Variants in TAFA2 observed in about 807,000 individuals in gnomAD.
TAFA2 encodes the protein chemokine-like protein TAFA-2.
A neutral mutation model predicts 18.8 loss-of-function variants in TAFA2; 7 were observed. The observed-to-expected ratio is 0.37, with a 90% CI of 0.21 to 0.70. The LOEUF is 0.70. Among genes scored for constraint, TAFA2 ranks in the 30% least tolerant of loss-of-function variants. The pLI is 0.53. For missense variants in TAFA2, 122 were observed against 158.1 expected, an observed-to-expected ratio of 0.77 and a Z score of 1.23; for synonymous variants, 60 against 54.2, an observed-to-expected ratio of 1.11 and a Z score of -0.47.
chr12:62,031,590 T>C (rs193149280), intron 1 of TAFA2, among the ~76,000 whole-genome samples: 13 of 152,224 alleles, frequency 8.5e-5, no homozygotes, highest in Admixed American at 8.5e-4. Context: ...GAGTTGTCTG[T>C]TTTAGGGTGT....
chr12:61,841,687 T>C (rs1403412540), intron 2 of TAFA2, among the ~76,000 whole-genome samples: 2 of 152,064 alleles, frequency 1.3e-5, no homozygotes, highest in Non-Finnish European at 2.9e-5. Flanking sequence ...AGAATGTCAT[T>C]GGTATTTTGA....
intron 4 of TAFA2, among the ~76,000 whole-genome samples, chr12:61,724,787 G>GTATATACACCAGA (rs1555196539): frequency 1.1e-5 from 1 of 87,398 alleles, no homozygotes; most frequent in African/African-American, 4.7e-5. Context: ...GTGTGTGTGT[G>GTATATACACCAGA]TGTGTGTGTG....
At chr12:61,716,514 A>G (rs1229964669) in intron 4 of TAFA2, among the ~76,000 whole-genome samples, 1 of 152,154 alleles carries the variant, frequency 6.6e-6, no homozygotes, top group African/African-American at 2.4e-5. Context: ...AGTCTACAAC[A>G]TATTTGTGAA....
At chr12:62,133,542 A>G (rs1218141264) in intron 1 of TAFA2, among the ~76,000 whole-genome samples, 1 of 152,026 alleles carries the variant, frequency 6.6e-6, no homozygotes, top group East Asian at 1.9e-4. Context: ...CATCCCAGAA[A>G]CCTTATCTCC....
chr12:62,145,898 G>A (rs931052581), intron 1 of TAFA2, among the ~76,000 whole-genome samples: 4 of 152,204 alleles, frequency 2.6e-5, no homozygotes, highest in African/African-American at 2.4e-5. Context: ...TGCTGTTGGC[G>A]ATACCCCCTT....
chr12:62,124,705 G>A (rs543492184), intron 1 of TAFA2, among the ~76,000 whole-genome samples: 1 of 152,128 alleles, frequency 6.6e-6, no homozygotes, highest in African/African-American at 2.4e-5. Context: ...CTTAAGATAG[G>A]CTAGTATTCA....
At chr12:61,837,095 T>C (rs35455246) in intron 2 of TAFA2, among the ~76,000 whole-genome samples, 42,881 of 151,584 alleles carry the variant, frequency 0.28, 6,785 homozygotes, top group South Asian at 0.4. Flanking sequence ...TTTATTTTTA[T>C]ATAATCAGAT....
chr12:61,775,924 C>G (rs181294620), intron 2 of TAFA2: 3 of 197,724 alleles, frequency 1.5e-5, no homozygotes, highest in East Asian at 2.6e-4. Flanking sequence ...TATGCCAAAA[C>G]GACAAACACC....
intron 1 of TAFA2, among the ~76,000 whole-genome samples, chr12:62,141,310 T>A (rs146577309): frequency 6.6e-6 from 1 of 152,332 alleles, no homozygotes; most frequent in Non-Finnish European, 1.5e-5. Context: ...CCTATAGCAC[T>A]GCGAGAATGG....
intron 1 of TAFA2, among the ~76,000 whole-genome samples, chr12:62,254,540 A>G (rs2062929173): frequency 6.6e-6 from 1 of 152,226 alleles, no homozygotes; most frequent in African/African-American, 2.4e-5. Context: ...TGTCCAATGT[A>G]TTACACAGAA....
chr12:62,013,067 G>A (rs1880822474), intron 1 of TAFA2, among the ~76,000 whole-genome samples: 1 of 152,132 alleles, frequency 6.6e-6, no homozygotes, highest in Admixed American at 6.5e-5. Context: ...ATTATCTAGA[G>A]ATGCCATCAT....
chr12:61,879,761 CT>C (rs1253476010), intron 1 of TAFA2: 16 of 1,376,958 alleles, frequency 1.2e-5, no homozygotes, highest in Non-Finnish European at 7.2e-6. Flanking sequence ...CATCAACAAC[CT>C]TAGGTGGCAG....
chr12:62,011,075 G>A (rs1445526666), intron 1 of TAFA2, among the ~76,000 whole-genome samples: 2 of 150,886 alleles, frequency 1.3e-5, no homozygotes, highest in African/African-American at 4.9e-5. Context: ...CGCCCCGTCT[G>A]GGAGGTGGGG....
chr12:61,929,008 G>C (rs1168258140), intron 1 of TAFA2, among the ~76,000 whole-genome samples: 1 of 140,408 alleles, frequency 7.1e-6, no homozygotes, highest in African/African-American at 2.5e-5. Context: ...AGGCCTGTTG[G>C]GGGGTGAGGA....
At chr12:61,717,193 T>C (rs1433798584) in intron 4 of TAFA2, among the ~76,000 whole-genome samples, 2 of 151,648 alleles carry the variant, frequency 1.3e-5, no homozygotes, top group East Asian at 3.9e-4. Context: ...TGCCATTACA[T>C]TGGTCGTAAC....
rs573907702 is a variant in TAFA2 at position 61,784,578 on chromosome 12, A to G, written c.107-29554T>C. On this transcript the variant is annotated intron_variant, in intron 2 of 4. Coordinates refer to ENST00000416284, the MANE Select transcript of TAFA2 (RefSeq NM_178539.5). ...CCAGTAAAAGGTAAGAAAATATTTT[A>G]GAGACAAATTTGGAGTGCTCAAGAC... 2.5e-4 allele frequency among the ~76,000 whole-genome samples: 38 copies of G among 151,688 alleles called. No individual in the cohort carries two copies. In the East Asian group the frequency reaches 7.2e-3, roughly 29 times the overall value.
intron 1 of TAFA2, among the ~76,000 whole-genome samples, chr12:62,015,450 G>A (rs188876509): frequency 3.8e-4 from 58 of 152,264 alleles, no homozygotes; most frequent in Admixed American, 7.8e-4. Flanking sequence ...TCAATTAGCT[G>A]ATCTCCTACA....
intron 4 of TAFA2, among the ~76,000 whole-genome samples, chr12:61,739,329 G>A (rs143287486): frequency 6.6e-6 from 1 of 152,054 alleles, no homozygotes; most frequent in African/African-American, 2.4e-5. Context: ...GTGAAATGGA[G>A]AATCAAAAAT....
chr12:61,937,069 T>A (rs1877799117), intron 1 of TAFA2, among the ~76,000 whole-genome samples: 2 of 151,880 alleles, frequency 1.3e-5, no homozygotes, highest in Non-Finnish European at 2.9e-5. Context: ...TAGCTGCAAA[T>A]AAAATAAAAT....
Sources: gnomAD v4.1 joint callset for allele counts (sites outside exome capture counted in the v4.1 genomes callset) on GRCh38, gnomAD v4.1.1 for gene constraint, MANE v1.5 for transcripts, NCBI Gene and HGNC (gene_info 2026-07-23, HGNC 2026-07-21) for gene names.